The following CEP192 variants were observed in gnomAD, a reference collection of about 807,000 sequenced individuals.
The protein encoded by CEP192 is centrosomal protein of 192 kDa.
CEP192 carries 151 observed loss-of-function variants against 271.8 expected under a neutral mutation model. The ratio of observed to expected loss-of-function variants is 0.56; its 90% confidence interval spans 0.49 to 0.64. The LOEUF (loss-of-function observed/expected upper bound fraction) is 0.64, where lower values mean the gene tolerates loss of function less well. CEP192 is among the 30% of genes least tolerant of loss of function. The probability of loss-of-function intolerance (pLI) is 0.00; values close to 1 mark genes in which losing one functional copy is unlikely to be tolerated. For synonymous variants in CEP192, 995 were observed against 1,076.5 expected (o/e 0.92, Z 1.48); for missense variants, 2,910 against 3,020.5 (o/e 0.96, Z 0.86).
Position 13,036,615 on chromosome 18 carries a change from C to G in CEP192, c.1535-622C>G, listed in dbSNP as rs111584033. 1.4e-3 allele frequency among the ~76,000 whole-genome samples: 218 copies of G among 152,244 alleles called. 1 individual carries two copies. The Middle Eastern group carries it at 0.02, about 14-fold the overall frequency. On this transcript the variant is annotated intron_variant, in intron 11 of 44. Coordinates refer to ENST00000506447, the MANE Select transcript of CEP192 (RefSeq NM_032142.4). ...CCTAGTTTGCCACAAATCCACCACT[C>G]CCAGTTGTGTTTCTGGCCCTGGCCC... is the stretch of plus-strand genomic sequence containing the variant.
Position 13,072,843 on chromosome 18 carries a change from C to T in CEP192, c.5437C>T (p.Gln1813Ter). 1 of 1,607,462 alleles carries T rather than the reference C, an allele frequency of 6.2e-7. No homozygotes were observed. The highest frequency in any genetic ancestry group is 1.1e-5 in the South Asian group (1 of 90,950). ...LIRGQDQDCF[Q>*]LQNTFGSEQR... ...TAGAGGACAAGATCAGGACTGCTTTCAGGTTCGTAGAGTACGTGGATTCTT... is the reference window on the plus strand; with the variant it reads ...TAGAGGACAAGATCAGGACTGCTTTTAGGTTCGTAGAGTACGTGGATTCTT... The change falls in exon 29 of 45, where the codon CAG becomes TAG. Residue 1813 changes from glutamine to a stop codon, truncating the protein, a stop_gained and splice_region_variant. Transcript: ENST00000506447. LOFTEE classifies it high-confidence loss of function.
At chr18:13,031,243 GTTTTTTTTTTTT>G (rs60557979) in intron 11 of CEP192, among the ~76,000 whole-genome samples, 2 of 101,654 alleles carry the variant, frequency 2.0e-5, no homozygotes, top group Non-Finnish European at 3.8e-5. Context: ...CCTTATTGTT[GTTTTTTTTTTTT>G]TTTTTTTTTT....
chr18:13,057,681 G>A lies in CEP192; in HGVS notation c.4205G>A (p.Arg1402His), dbSNP rs150556558. 20 of 1,613,858 alleles carry A rather than the reference G, an allele frequency of 1.2e-5. No individual in the cohort carries two copies. Among genetic ancestry groups the A allele is most frequent in the Middle Eastern group, 1.6e-4 (1 of 6,078 alleles). ...CTCAGTGTGCTTAATCCAACTGACCGCTGGCTGCAAGTCAGCATTGGGGTC... is the reference window on the plus strand; with the variant it reads ...CTCAGTGTGCTTAATCCAACTGACCACTGGCTGCAAGTCAGCATTGGGGTC... Reference protein sequence around the residue: ...TLLSVLNPTDRWLQVSIGVLS... With the variant: ...TLLSVLNPTDHWLQVSIGVLS... The change falls in exon 20 of 45, where the codon CGC becomes CAC. Residue 1402 changes from arginine (R) to histidine (H), a missense_variant. Arg to His is a conservative substitution (Grantham distance 29). Coordinates refer to ENST00000506447, the MANE Select transcript of CEP192 (RefSeq NM_032142.4).
chr18:13,029,209 T>C (rs2035476258), intron 9 of CEP192, among the ~76,000 whole-genome samples: 1 of 152,258 alleles, frequency 6.6e-6, no homozygotes, highest in African/African-American at 2.4e-5. Context: ...CAAATTTTAC[T>C]GGACTGGCCA....
chr18:13,101,721 C>T (rs754383636), intron 38 of CEP192, among the ~76,000 whole-genome samples: 1 of 152,100 alleles, frequency 6.6e-6, no homozygotes, highest in Admixed American at 6.5e-5. Flanking sequence ...TGAAGCTCCC[C>T]GCTCTGAGCC....
intron 21 of CEP192, among the ~76,000 whole-genome samples, chr18:13,063,105 C>T (rs571808349): frequency 2.6e-4 from 39 of 152,302 alleles, no homozygotes; most frequent in Non-Finnish European, 3.8e-4. Flanking sequence ...ATATGTACCA[C>T]GTTTTCTTTA....
chr18:13,105,946 T>A (rs1027852697), intron 40 of CEP192, among the ~76,000 whole-genome samples: 1 of 152,144 alleles, frequency 6.6e-6, no homozygotes, highest in Non-Finnish European at 1.5e-5. Flanking sequence ...TAAATTGATC[T>A]ACATATTCAG....
intron 38 of CEP192, among the ~76,000 whole-genome samples, chr18:13,102,298 C>A (rs918785568): frequency 6.6e-6 from 1 of 152,024 alleles, no homozygotes; most frequent in South Asian, 2.1e-4. Flanking sequence ...AACCCTCTGC[C>A]TGGAACCAGG....
intron 15 of CEP192, 76 bp from the exon 16 acceptor site, chr18:13,048,783 C>G: frequency 1.0e-6 from 1 of 983,308 alleles, no homozygotes; most frequent in Non-Finnish European, 1.5e-6. Flanking sequence ...ACGCATCTCC[C>G]AATGATAATG....
intron 13 of CEP192, 65 bp downstream of exon 13, chr18:13,038,644 G>A (rs1299578768): frequency 5.8e-6 from 7 of 1,208,452 alleles, no homozygotes; most frequent in South Asian, 1.3e-5. Context: ...TATTATGATG[G>A]CACAGTGACT....
Position 13,047,442 on chromosome 18 carries a change from A to G in CEP192, c.2068-1417A>G, listed in dbSNP as rs146564380. ...CAGTTTTTATACCTGCACTCCCACA[A>G]GAACAACTTTGCTTAGCCTTTTCTT... is the stretch of plus-strand genomic sequence containing the variant. On this transcript the variant is annotated intron_variant, in intron 15 of 44. Transcript: ENST00000506447. Among the ~76,000 whole-genome samples, 31 of 152,300 alleles carry G rather than the reference A, an allele frequency of 2.0e-4. No individual in the cohort carries two copies. In the East Asian group the frequency reaches 5.4e-3, roughly 27 times the overall value.
Position 13,056,404 on chromosome 18 carries a change from A to T in CEP192, c.3814A>T (p.Thr1272Ser). The T allele has an allele frequency of 6.2e-7, 1 of 1,614,188 alleles. No homozygotes were observed. The highest frequency in any genetic ancestry group is 1.1e-5 in the South Asian group (1 of 91,082). The change falls in exon 19 of 45, where the codon ACT (threonine) becomes TCT (serine). Residue 1272 changes from threonine to serine, a missense_variant. Physicochemically the swap from Thr to Ser is moderately conservative, Grantham distance 58. Coordinates refer to ENST00000506447, the MANE Select transcript of CEP192 (RefSeq NM_032142.4). The part of the protein sequence containing the change: ...AQRYLGTLPS[T>S]GSTTLPQCHA... ...GCGGTATTTGGGAACACTCCCTTCA[A>T]CTGGAAGCACCACCTTGCCTCAGTG... is the stretch of plus-strand genomic sequence containing the variant.
Position 13,001,941 on chromosome 18 carries a change from A to G in CEP192, c.290+359A>G, listed in dbSNP as rs1039459361. On this transcript the variant is annotated intron_variant, in intron 3 of 44. Coordinates refer to ENST00000506447, the MANE Select transcript of CEP192 (RefSeq NM_032142.4). ...AGGCTGGTCTCAAACTCCTGACCTC[A>G]AGTGAACCGCCCCACCCGCGTTGGC... 7.2e-5 allele frequency among the ~76,000 whole-genome samples: 11 copies of G among 152,190 alleles called. 1 individual carries two copies. Among genetic ancestry groups the G allele is most frequent in the Admixed American group, 7.2e-4 (11 of 15,280 alleles).
At chr18:13,051,900 T>C (rs535601145) in intron 17 of CEP192, among the ~76,000 whole-genome samples, 194 of 152,354 alleles carry the variant, frequency 1.3e-3, no homozygotes, top group Non-Finnish European at 2.4e-3. Context: ...GTACGTCCAT[T>C]GCCTAGCTGA....
intron 17 of CEP192, among the ~76,000 whole-genome samples, chr18:13,052,110 A>G (rs1056489177): frequency 6.6e-6 from 1 of 152,110 alleles, no homozygotes; most frequent in Non-Finnish European, 1.5e-5. Context: ...TGCTCCTTGC[A>G]TCTCGGCTGG....
chr18:13,097,365 T>C (rs138392783), intron 36 of CEP192, among the ~76,000 whole-genome samples: 35 of 152,306 alleles, frequency 2.3e-4, no homozygotes, highest in African/African-American at 8.4e-4. Context: ...ATCCCCTGGT[T>C]CTTGAAGAGA....
At chr18:13,064,064 C>T (rs1399283538) in intron 21 of CEP192, among the ~76,000 whole-genome samples, 2 of 151,804 alleles carry the variant, frequency 1.3e-5, no homozygotes, top group Non-Finnish European at 2.9e-5. Context: ...TGTGATCCCT[C>T]CACCTCAGCC....
intron 36 of CEP192, among the ~76,000 whole-genome samples, chr18:13,099,224 T>G: frequency 6.6e-6 from 1 of 151,376 alleles, no homozygotes; most frequent in Non-Finnish European, 1.5e-5. Flanking sequence ...GCGGCATGGT[T>G]TGTTTTCGCA....
intron 33 of CEP192, among the ~76,000 whole-genome samples, chr18:13,090,561 G>A (rs2039092688): frequency 6.6e-6 from 1 of 152,164 alleles, no homozygotes; most frequent in Non-Finnish European, 1.5e-5. Flanking sequence ...ATGCCTTGGT[G>A]TAGGGGTGAT....
Sources: allele counts gnomAD v4.1 joint callset (sites outside exome capture counted in the v4.1 genomes callset), GRCh38; gene constraint gnomAD v4.1.1; transcripts MANE v1.5; gene names NCBI Gene and HGNC (gene_info 2026-07-23, HGNC 2026-07-21).